LYZL4: variants seen among roughly 807,000 people sequenced by gnomAD.
LYZL4 encodes lysozyme like 4.
Under a neutral mutation model 17.6 loss-of-function variants are expected in LYZL4, and 13 were observed. The ratio of observed to expected loss-of-function variants is 0.74; its 90% CI spans 0.48 to 1.18. The LOEUF is 1.18. Ranked by LOEUF, LYZL4 falls within the 50% of genes most tolerant of loss-of-function variation. The probability of loss-of-function intolerance (pLI) is 0.00; values close to 1 mark genes in which losing one functional copy is unlikely to be tolerated. For synonymous variants in LYZL4, 64 were observed against 67.7 expected, an observed-to-expected ratio of 0.95 and a Z score of 0.27; for missense variants, 174 against 188.2, an observed-to-expected ratio of 0.92 and a Z score of 0.44.
the LYZL4 span, among the ~76,000 whole-genome samples, chr3:42,387,121 T>C: frequency 2.0e-5 from 3 of 152,186 alleles, no homozygotes; most frequent in Non-Finnish European, 4.4e-5. Context: ...AGGACAATAA[T>C]AATAATAACA....
intron 1 of LYZL4, chr3:42,407,544 C>A: frequency 2.5e-6 from 1 of 400,172 alleles, no homozygotes; most frequent in South Asian, 3.3e-5. Context: ...CTCCCAACCC[C>A]AATTCTTTCC....
intron 4 of LYZL4, among the ~76,000 whole-genome samples, chr3:42,402,315 C>CT (rs201251667): frequency 0.32 from 43,642 of 136,520 alleles, 7,836 homozygotes; most frequent in African/African-American, 0.48. Context: ...CTTTTCTTTT[C>CT]TTTCTTTTTT....
chr3:42,363,363 A>C, the LYZL4 span, among the ~76,000 whole-genome samples: 22,733 of 152,144 alleles, frequency 0.15, 4,284 homozygotes, highest in African/African-American at 0.44. Flanking sequence ...GTTTATGTAG[A>C]AAAATATCCT....
downstream of LYZL4, among the ~76,000 whole-genome samples, chr3:42,393,337 G>GCACACACACA (rs3071913): frequency 0.018 from 2,752 of 148,892 alleles, 25 homozygotes; most frequent in Non-Finnish European, 0.024. Context: ...GTGTGCGCGT[G>GCACACACACA]CACACACACA....
At position 42,407,099 on chromosome 3, in the gene LYZL4, T is replaced by C. The variant is rs768275493; in HGVS notation, c.139+14A>G. 4.3e-6 allele frequency: 7 copies of C among 1,614,070 alleles called. No homozygotes were observed. The East Asian group carries it at 6.7e-5, about 15-fold the overall frequency. ...GGAGGTGAGAGGAGGGAGCACTAAG[T>C]GGGGCCTACTCACAGTTCTCAAGGC... is the stretch of plus-strand genomic sequence containing the variant. On this transcript the variant is annotated intron_variant, in intron 2 of 4. Transcript: ENST00000287748.
At chr3:42,380,542 A>G in the LYZL4 span, among the ~76,000 whole-genome samples, 1 of 152,152 alleles carries the variant, frequency 6.6e-6, no homozygotes, top group Non-Finnish European at 1.5e-5. Flanking sequence ...AAAACAGCAG[A>G]GTGTTCTCTG....
the LYZL4 span, among the ~76,000 whole-genome samples, chr3:42,379,831 T>C: frequency 0.024 from 3,603 of 152,264 alleles, 158 homozygotes; most frequent in African/African-American, 0.082. Flanking sequence ...TATTTGGAAG[T>C]GGGGCCTTTG....
the LYZL4 span, among the ~76,000 whole-genome samples, chr3:42,388,752 A>T: frequency 6.6e-6 from 1 of 152,258 alleles, no homozygotes; most frequent in Admixed American, 6.5e-5. Flanking sequence ...TGTAAAAATG[A>T]CAATCAGTCC....
chr3:42,387,642 T>C, the LYZL4 span, among the ~76,000 whole-genome samples: 13 of 152,064 alleles, frequency 8.5e-5, no homozygotes, highest in African/African-American at 2.7e-4. Flanking sequence ...TTTAGACAGG[T>C]GTGCAGGGTG....
the LYZL4 span, among the ~76,000 whole-genome samples, chr3:42,374,213 G>A: frequency 5.9e-5 from 9 of 152,312 alleles, no homozygotes; most frequent in African/African-American, 1.9e-4. Flanking sequence ...ATTAAGGTGT[G>A]AGGAAACAAA....
At chr3:42,406,455 A>T (rs1223110588) in intron 3 of LYZL4, among the ~76,000 whole-genome samples, 1 of 70,338 alleles carries the variant, frequency 1.4e-5, no homozygotes, top group Non-Finnish European at 3.0e-5. Flanking sequence ...CTCCGTCTCA[A>T]AAAAAAAAAA....
chr3:42,372,143 G>A, the LYZL4 span, among the ~76,000 whole-genome samples: 1 of 152,190 alleles, frequency 6.6e-6, no homozygotes, highest in Non-Finnish European at 1.5e-5. Context: ...TGGTAGCCAG[G>A]GCTTGGTCAG....
intron 3 of LYZL4, among the ~76,000 whole-genome samples, chr3:42,404,664 G>C (rs1255547700): frequency 6.6e-6 from 1 of 152,116 alleles, no homozygotes; most frequent in Non-Finnish European, 1.5e-5. Context: ...GATATAGATA[G>C]ATAGATGATA....
chr3:42,401,702 CA>C (rs1559454721), intron 4 of LYZL4, among the ~76,000 whole-genome samples: 1 of 150,956 alleles, frequency 6.6e-6, no homozygotes, highest in East Asian at 1.9e-4. Context: ...CACAGAATTG[CA>C]AAAAAATAAA....
chr3:42,375,568 T>C, the LYZL4 span, among the ~76,000 whole-genome samples: 2 of 152,172 alleles, frequency 1.3e-5, no homozygotes, highest in African/African-American at 4.8e-5. Context: ...AGCACTCTGC[T>C]CTTCGACTGA....
At chr3:42,381,965 C>T in the LYZL4 span, among the ~76,000 whole-genome samples, 1 of 152,168 alleles carries the variant, frequency 6.6e-6, no homozygotes, top group African/African-American at 2.4e-5. Context: ...GGGGGAAAAA[C>T]ATCCTAGGGA....
intron 4 of LYZL4, among the ~76,000 whole-genome samples, chr3:42,400,918 T>TGATA (rs1698641121): frequency 6.6e-6 from 1 of 152,124 alleles, no homozygotes; most frequent in African/African-American, 2.4e-5. Flanking sequence ...ATGCACTCCA[T>TGATA]TGGTTCAGCA....
chr3:42,397,690 G>T (rs776790040), intron 4 of LYZL4, among the ~76,000 whole-genome samples: 4 of 152,066 alleles, frequency 2.6e-5, no homozygotes, highest in Non-Finnish European at 4.4e-5. Flanking sequence ...GAAGTTCCGT[G>T]ACTTTCCCAG....
At chr3:42,366,421 C>G in the LYZL4 span, among the ~76,000 whole-genome samples, 1 of 152,168 alleles carries the variant, frequency 6.6e-6, no homozygotes, top group Non-Finnish European at 1.5e-5. Context: ...TGTGGCGGCA[C>G]CAGGCAGAAG....
Sources: allele counts gnomAD v4.1 joint callset (sites outside exome capture counted in the v4.1 genomes callset), GRCh38; gene constraint gnomAD v4.1.1; transcripts MANE v1.5; gene names NCBI Gene and HGNC (gene_info 2026-07-23, HGNC 2026-07-21).